The following MGAT5B variants were observed in gnomAD, a reference collection of about 807,000 sequenced individuals.
MGAT5B encodes the protein N-acetylglucosaminyl-transferase Vb.
MGAT5B carries 54 observed loss-of-function variants against 95.1 expected under a neutral mutation model. The observed-to-expected ratio is 0.57, with a 90% CI of 0.46 to 0.71. The LOEUF (loss-of-function observed/expected upper bound fraction) is 0.71, where lower values mean the gene tolerates loss of function less well. MGAT5B is among the 30% of genes least tolerant of loss of function. The pLI is 0.00. For synonymous variants in MGAT5B, 464 were observed against 451.0 expected, an observed-to-expected ratio of 1.03 and a Z score of -0.36; for missense variants, 935 against 1,088.6, an observed-to-expected ratio of 0.86 and a Z score of 1.99.
intron 3 of MGAT5B, among the ~76,000 whole-genome samples, chr17:76,898,607 A>G (rs562834986): frequency 1.1e-4 from 17 of 152,020 alleles, no homozygotes; most frequent in Non-Finnish European, 2.2e-4. Context: ...CCGGCCCATA[A>G]TCTTTTTTAT....
intron 3 of MGAT5B, among the ~76,000 whole-genome samples, chr17:76,892,255 C>A (rs897146393): frequency 6.6e-6 from 1 of 152,212 alleles, no homozygotes; most frequent in African/African-American, 2.4e-5. Flanking sequence ...ACCATGTTGG[C>A]CAGGCTGGTC....
In MGAT5B at chr17:76,905,064, AG is replaced by A; in HGVS notation, c.691-103del. The A allele has an allele frequency of 2.4e-6, 3 of 1,234,946 alleles. No individual in the cohort carries two copies. The highest frequency in any genetic ancestry group is 3.3e-6 in the Non-Finnish European group (3 of 904,530). 76.5% of individuals were successfully genotyped at this position (1,234,946 alleles called of 1,614,324 possible). A position where few individuals can be genotyped will look rare whatever the true frequency, so the allele number is the denominator to read the frequency against. On this transcript the variant is annotated intron_variant, in intron 6 of 17. Coordinates refer to ENST00000569840, the MANE Select transcript of MGAT5B (RefSeq NM_001199172.2). The surrounding 1 kb of genome is among the most constrained non-coding windows in gnomAD (Gnocchi z 4.2). ...TAGAAAGTGCAGGAGAAGCTGGAGC[AG>A]GCCCCAGCCTCATGGGAGGGTGCCA... is the stretch of plus-strand genomic sequence containing the variant.
chr17:76,904,474 C>A, intron 6 of MGAT5B, 52 bp downstream of exon 6: 1 of 1,520,164 alleles, frequency 6.6e-7, no homozygotes, highest in Non-Finnish European at 8.8e-7. Flanking sequence ...GCTGGACATT[C>A]TTAAGGACAG....
chr17:76,894,622 G>A (rs544479975), intron 3 of MGAT5B, among the ~76,000 whole-genome samples: 9 of 152,184 alleles, frequency 5.9e-5, no homozygotes, highest in African/African-American at 1.7e-4. Context: ...TTGGGAGGCC[G>A]AGGCAGGTGG....
intron 3 of MGAT5B, among the ~76,000 whole-genome samples, chr17:76,902,139 G>A (rs995794357): frequency 1.1e-4 from 16 of 152,164 alleles, no homozygotes; most frequent in African/African-American, 3.6e-4. Flanking sequence ...TGCAGATGTG[G>A]GCACCTGTAC....
rs765059979 is a variant in MGAT5B at position 76,926,777 on chromosome 17, G to A, written c.1291+47G>A. 3 of 1,594,932 alleles carry A rather than the reference G, an allele frequency of 1.9e-6. No homozygotes were observed. In the South Asian group the frequency reaches 3.4e-5, roughly 18 times the overall value. ...GGTGGGGTCGGAGGTCCTCCTCATG[G>A]TTCTCAGAGGTGACACGAGAGGCGG... On this transcript the variant is annotated intron_variant, in intron 10 of 17. Coordinates refer to ENST00000569840, the MANE Select transcript of MGAT5B (RefSeq NM_001199172.2).
At chr17:76,884,440 TA>T (rs1967545728) in intron 3 of MGAT5B, among the ~76,000 whole-genome samples, 1 of 152,034 alleles carries the variant, frequency 6.6e-6, no homozygotes, top group Non-Finnish European at 1.5e-5. Context: ...TTTATTTATT[TA>T]TTTTTTTGAG....
intron 13 of MGAT5B, among the ~76,000 whole-genome samples, chr17:76,939,599 T>A (rs4789383): frequency 6.6e-6 from 1 of 151,820 alleles, no homozygotes; most frequent in African/African-American, 2.4e-5. Flanking sequence ...CTGAGGTTTG[T>A]GATATGAAGG....
chr17:76,931,771 G>A (rs543123287), intron 10 of MGAT5B, among the ~76,000 whole-genome samples: 16 of 152,326 alleles, frequency 1.1e-4, no homozygotes, highest in Non-Finnish European at 1.9e-4. Context: ...GTCCCATTGA[G>A]AGCTGATATG....
intron 6 of MGAT5B, among the ~76,000 whole-genome samples, chr17:76,904,667 A>G (rs1294710624): frequency 6.6e-6 from 1 of 152,224 alleles, no homozygotes; most frequent in Non-Finnish European, 1.5e-5. Flanking sequence ...ATGCCCCCTT[A>G]GTGGACTAGA....
chr17:76,887,106 C>T (rs5003923), intron 3 of MGAT5B, among the ~76,000 whole-genome samples: 5 of 152,100 alleles, frequency 3.3e-5, no homozygotes, highest in Non-Finnish European at 5.9e-5. Flanking sequence ...CTTAAGCTGG[C>T]GCTGTAGCCC....
In MGAT5B at chr17:76,888,314, G is replaced by T. The variant is rs780670420; in HGVS notation, c.329+6016G>T. 2.6e-5 allele frequency among the ~76,000 whole-genome samples: 4 copies of T among 152,098 alleles called. No individual in the cohort carries two copies. The South Asian group carries it at 8.3e-4, about 32-fold the overall frequency. On this transcript the variant is annotated intron_variant, in intron 3 of 17. Coordinates refer to ENST00000569840, the MANE Select transcript of MGAT5B (RefSeq NM_001199172.2). The stretch of plus-strand genomic sequence containing the variant: ...TGCTGGGGTGGGGGCTCCATGTCCC[G>T]TGTGGTGTGTGTGAAAGAGACAGAG...
At chr17:76,882,322 A>T in intron 3 of MGAT5B, 24 bp downstream of exon 3, 1 of 1,583,670 alleles carries the variant, frequency 6.3e-7, no homozygotes, top group Middle Eastern at 1.8e-4. Context: ...GGGAGGAGGC[A>T]CACGGAGCAG....
intron 9 of MGAT5B, among the ~76,000 whole-genome samples, chr17:76,925,995 C>T (rs76031159): frequency 0.19 from 28,216 of 152,104 alleles, 2,917 homozygotes; most frequent in East Asian, 0.42. Context: ...GCCTCCACCC[C>T]TGGAGACAGC....
intron 13 of MGAT5B, among the ~76,000 whole-genome samples, chr17:76,939,142 C>G (rs1667188802): frequency 6.6e-6 from 1 of 151,318 alleles, no homozygotes; most frequent in Non-Finnish European, 1.5e-5. Context: ...GCCCTGGATT[C>G]AGAATCATTT....
Position 76,930,555 on chromosome 17 carries a change from G to A in MGAT5B, c.1292-2090G>A, listed in dbSNP as rs940920883. ...AACGGTTTATTCGGGATCCCAGTGC[G>A]CAGAAGGCAGGGCTCGTGTGCCTGC... On this transcript the variant is annotated intron_variant, in intron 10 of 17. Coordinates refer to ENST00000569840, the MANE Select transcript of MGAT5B (RefSeq NM_001199172.2). The surrounding 1 kb of genome is among the most constrained non-coding windows in gnomAD (Gnocchi z 4.1). Among the ~76,000 whole-genome samples the A allele has an allele frequency of 3.3e-5, 5 of 152,148 alleles. No homozygotes were observed. Among genetic ancestry groups the A allele is most frequent in the South Asian group, 4.1e-4 (2 of 4,830 alleles).
intron 3 of MGAT5B, among the ~76,000 whole-genome samples, chr17:76,884,291 G>A (rs1295772375): frequency 6.6e-6 from 1 of 152,242 alleles, no homozygotes; most frequent in Middle Eastern, 3.2e-3. Flanking sequence ...TTGCACAGCT[G>A]TAAGAGGCTG....
intron 10 of MGAT5B, among the ~76,000 whole-genome samples, chr17:76,927,956 C>T (rs1969366370): frequency 6.6e-6 from 1 of 152,242 alleles, no homozygotes; most frequent in Non-Finnish European, 1.5e-5. Context: ...TTGTATTTGG[C>T]CTGTCAAATT....
intron 2 of MGAT5B, among the ~76,000 whole-genome samples, chr17:76,881,254 G>A (rs561620746): frequency 6.6e-6 from 1 of 152,304 alleles, no homozygotes; most frequent in African/African-American, 2.4e-5. Flanking sequence ...GATCTTGGTC[G>A]AAGTGCCTCA....
Sources: allele counts gnomAD v4.1 joint callset (sites outside exome capture counted in the v4.1 genomes callset), GRCh38; gene constraint gnomAD v4.1.1; non-coding constraint Gnocchi (gnomAD v3.1); transcripts MANE v1.5; gene names NCBI Gene and HGNC (gene_info 2026-07-23, HGNC 2026-07-21).